Variants in ZNF112 observed in about 807,000 individuals in gnomAD.
ZNF112 encodes zinc finger protein 112.
In ZNF112, 37 loss-of-function variants were observed where a neutral mutation model predicts 77.7. That is an observed-to-expected ratio of 0.48 (90% CI 0.37 to 0.63). The LOEUF (loss-of-function observed/expected upper bound fraction) is 0.63, where lower values mean the gene tolerates loss of function less well. ZNF112 is among the 20% of genes least tolerant of loss of function. The probability of loss-of-function intolerance (pLI) is 0.00; values close to 1 mark genes in which losing one functional copy is unlikely to be tolerated. For synonymous variants in ZNF112, 333 were observed against 363.6 expected, an observed-to-expected ratio of 0.92 and a Z score of 0.96; for missense variants, 950 against 1,077.4, an observed-to-expected ratio of 0.88 and a Z score of 1.66.
Position 44,328,175 on chromosome 19 carries a change from C to T in ZNF112, c.1982G>A (p.Cys661Tyr). 1.2e-6 allele frequency: 2 copies of T among 1,614,078 alleles called. No individual in the cohort carries two copies. The highest frequency in any genetic ancestry group is 1.7e-6 in the Non-Finnish European group (2 of 1,179,994). Residue 661 changes from cysteine (C) to tyrosine (Y), a missense_variant, in exon 4 of 4, where the codon TGT becomes TAT. Physicochemically the swap from Cys to Tyr is radical, Grantham distance 194. Transcript: ENST00000354340. ...ACTGAAGCCTTTACCACATTCTTCA[C>T]ATTTATAGGGTTTTTCTCCTGTGTG... is the stretch of plus-strand genomic sequence containing the variant. ...RVHTGEKPYK[C>Y]EECGKGFSKA...
At position 44,328,648 on chromosome 19, in the gene ZNF112, G is replaced by C. The variant is rs767131008; in HGVS notation, c.1509C>G (p.Ser503Arg). ...CTCTCTGATGATCTTTAAGTTTTGA[G>C]CTCCAGTTGAAGCCATTCCCATGCT... ...RKEHGNGFNW[S>R]SKLKDHQRVH... Residue 503 changes from serine (S) to arginine (R), a missense_variant, in exon 4 of 4, where the codon AGC becomes AGG. Physicochemically the swap from Ser to Arg is moderately radical, Grantham distance 110 (BLOSUM62 -1). This residue lies in a region of ZNF112 where 560 missense variants were observed against 557.3 expected (regional missense o/e 1.00). Transcript: ENST00000354340. 4 of 1,614,020 alleles carry C rather than the reference G, an allele frequency of 2.5e-6. No individual in the cohort carries two copies. In the South Asian group the frequency reaches 4.4e-5, roughly 18 times the overall value.
intron 1 of ZNF112, among the ~76,000 whole-genome samples, chr19:44,345,452 G>A (rs1468142745): frequency 3.3e-5 from 5 of 152,178 alleles, no homozygotes; most frequent in Non-Finnish European, 7.3e-5. Flanking sequence ...CTGCAGTCAC[G>A]CACTCCGTGT....
chr19:44,358,432 G>A (rs531197151), upstream of ZNF112, among the ~76,000 whole-genome samples: 2 of 152,230 alleles, frequency 1.3e-5, no homozygotes, highest in African/African-American at 4.8e-5. Flanking sequence ...AATGTCAAAA[G>A]GCATCAAAAG....
chr19:44,331,635 G>C (rs1167940188), intron 3 of ZNF112, among the ~76,000 whole-genome samples: 3 of 152,090 alleles, frequency 2.0e-5, no homozygotes, highest in Non-Finnish European at 4.4e-5. Flanking sequence ...CTTTGTGTTT[G>C]TCTGCCTCTC....
intron 1 of ZNF112, among the ~76,000 whole-genome samples, chr19:44,342,500 A>C (rs1422613410): frequency 6.6e-6 from 1 of 152,172 alleles, no homozygotes; most frequent in African/African-American, 2.4e-5. Flanking sequence ...TCAGGAACGT[A>C]AAAGCTTGTG....
chr19:44,355,100 C>T (rs1190948022), intron 1 of ZNF112, among the ~76,000 whole-genome samples: 1 of 151,704 alleles, frequency 6.6e-6, no homozygotes, highest in Admixed American at 6.6e-5. Context: ...TGATACAAGA[C>T]TGGCAAATGT....
intron 1 of ZNF112, among the ~76,000 whole-genome samples, chr19:44,351,642 T>C (rs889680391): frequency 2.6e-5 from 4 of 152,050 alleles, no homozygotes; most frequent in African/African-American, 9.7e-5. Flanking sequence ...TAAATAATAG[T>C]ACTGATATTT....
intron 2 of ZNF112, among the ~76,000 whole-genome samples, 159 bp from the exon 3 acceptor site, chr19:44,336,877 C>CT (rs113034578): frequency 7.2e-4 from 103 of 143,428 alleles, no homozygotes; most frequent in Non-Finnish European, 8.1e-4. Flanking sequence ...TCATGATTTT[C>CT]TTTTTTTTTT....
At chr19:44,344,123 T>C (rs1275736106) in intron 1 of ZNF112, among the ~76,000 whole-genome samples, 1 of 152,206 alleles carries the variant, frequency 6.6e-6, no homozygotes, top group Admixed American at 6.5e-5. Flanking sequence ...GTGAGACTAC[T>C]ACATTTCTCA....
At position 44,329,137 on chromosome 19, in the gene ZNF112, A is replaced by T; in HGVS notation, c.1020T>A (p.Leu340=). 1 of 1,613,960 alleles carries T rather than the reference A, an allele frequency of 6.2e-7. No individual in the cohort carries two copies. The stretch of plus-strand genomic sequence containing the variant: ...CTGTGTGGATAAGTTCATAAGTGTT[A>T]AGAGGGGAACAGTGATTGAAGTTCT... ...YGENFNHCSP[L]NTYELIHTGE... The change falls in exon 4 of 4, where the codon CTT becomes CTA. Residue 340 remains leucine, a synonymous_variant. Transcript: ENST00000354340.
At chr19:44,339,150 G>A (rs1004053727) in intron 2 of ZNF112, among the ~76,000 whole-genome samples, 1 of 152,312 alleles carries the variant, frequency 6.6e-6, no homozygotes, top group Admixed American at 6.5e-5. Context: ...TCTGTCCTGA[G>A]AACAGGTAAG....
intron 3 of ZNF112, among the ~76,000 whole-genome samples, chr19:44,334,274 A>T (rs1970324757): frequency 6.6e-6 from 1 of 152,242 alleles, no homozygotes; most frequent in African/African-American, 2.4e-5. Flanking sequence ...GCAGCAAAGC[A>T]TTCAAGATGT....
At chr19:44,358,050 G>A (rs1307873667), upstream of ZNF112, among the ~76,000 whole-genome samples, 5 of 151,978 alleles carry the variant, frequency 3.3e-5, no homozygotes, top group African/African-American at 1.2e-4. Flanking sequence ...TACTCGGGAG[G>A]CTGAGGCAGG....
At chr19:44,352,611 A>G (rs1161450195) in intron 1 of ZNF112, among the ~76,000 whole-genome samples, 1 of 152,154 alleles carries the variant, frequency 6.6e-6, no homozygotes, top group Non-Finnish European at 1.5e-5. Flanking sequence ...CAAGGAATCT[A>G]CCAAAAAACA....
chr19:44,334,758 C>T (rs1184958955), intron 3 of ZNF112, among the ~76,000 whole-genome samples: 1 of 152,246 alleles, frequency 6.6e-6, no homozygotes, highest in Non-Finnish European at 1.5e-5. Flanking sequence ...ACTGTTGGGC[C>T]TGTGGTGTGC....
In ZNF112 at chr19:44,327,873, G is replaced by A. The variant is rs539995869; in HGVS notation, c.2284C>T (p.Arg762Trp). The change falls in exon 4 of 4, where the codon CGG (arginine) becomes TGG (tryptophan). Residue 762 changes from arginine (R) to tryptophan (W), a missense_variant. Physicochemically the swap from Arg to Trp is moderately radical, Grantham distance 101 (BLOSUM62 -3). This residue lies in a region of ZNF112 where 373 missense variants were observed against 482.8 expected (regional missense o/e 0.77). Coordinates refer to ENST00000354340, the MANE Select transcript of ZNF112 (RefSeq NM_013380.4). ...GGTTTCCCTCCTGTGTGAACCCTCCGATGTGCTTCAAGGCGCGAACTCTGA... is the reference window on the plus strand; with the variant it reads ...GGTTTCCCTCCTGTGTGAACCCTCCAATGTGCTTCAAGGCGCGAACTCTGA... The part of the protein sequence containing the change: ...FSQSSRLEAH[R>W]RVHTGGKPYK... 4.8e-5 allele frequency: 77 copies of A among 1,613,928 alleles called. No homozygotes were observed. Among genetic ancestry groups the A allele is most frequent in the Non-Finnish European group, 5.9e-5 (70 of 1,179,900 alleles).
Position 44,327,474 on chromosome 19 carries a change from A to T in ZNF112, c.2683T>A (p.Ser895Thr), listed in dbSNP as rs1487212929. Residue 895 changes from serine to threonine, a missense_variant, in exon 4 of 4, where the codon TCA becomes ACA. Transcript: ENST00000354340. ...TCTTCATTTCTGTGTAGATTCTCTG[A>T]TGAAGGGTAGTCCTTACCATAGTCT... Reference protein sequence around the residue: ...SEDYGKDYPSSENLHRNEDSV... With the variant: ...SEDYGKDYPSTENLHRNEDSV... The T allele has an allele frequency of 1.2e-6, 2 of 1,607,894 alleles. No individual in the cohort carries two copies.
upstream of ZNF112, among the ~76,000 whole-genome samples, chr19:44,357,805 T>C (rs1373437446): frequency 5.9e-5 from 9 of 152,290 alleles, no homozygotes; most frequent in Non-Finnish European, 1.0e-4. Context: ...CTGCTCTTGA[T>C]ATAGCAAATA....
At chr19:44,332,970 A>G (rs1006013527) in intron 3 of ZNF112, among the ~76,000 whole-genome samples, 8 of 152,210 alleles carry the variant, frequency 5.3e-5, no homozygotes, top group African/African-American at 1.7e-4. Flanking sequence ...TTCAATATCA[A>G]TGGTAGAATG....
Sources: gnomAD v4.1 joint callset for allele counts (sites outside exome capture counted in the v4.1 genomes callset) on GRCh38, gnomAD v4.1.1 for gene constraint, gnomAD v4.1.1 regional missense constraint, MANE v1.5 for transcripts, NCBI Gene and HGNC (gene_info 2026-07-23, HGNC 2026-07-21) for gene names.